The following CCDC92 variants were observed in gnomAD, a reference collection of about 807,000 sequenced individuals.
The protein encoded by CCDC92 is coiled-coil domain containing 92, also known as coiled-coil domain-containing protein 92.
CCDC92 carries 12 observed loss-of-function variants against 24.9 expected under a neutral mutation model. That is an observed-to-expected ratio of 0.48 (90% CI 0.31 to 0.78). The LOEUF is 0.78. CCDC92 is among the 30% of genes least tolerant of loss of function. The probability of loss-of-function intolerance (pLI) is 0.05; values close to 1 mark genes in which losing one functional copy is unlikely to be tolerated. For synonymous variants in CCDC92, 193 were observed against 196.3 expected (o/e 0.98, Z 0.14); for missense variants, 399 against 439.4 (o/e 0.91, Z 0.82).
At chr12:123,952,581 G>A (rs1377198518) in intron 1 of CCDC92, among the ~76,000 whole-genome samples, 1 of 152,224 alleles carries the variant, frequency 6.6e-6, no homozygotes, top group African/African-American at 2.4e-5. Flanking sequence ...AATTCACAAT[G>A]AACTGGATAA....
intron 1 of CCDC92, chr12:123,961,194 C>G (rs935042877): frequency 2.6e-5 from 4 of 152,260 alleles, no homozygotes; most frequent in African/African-American, 9.6e-5. Context: ...CTTCTCTTAT[C>G]TACCTGTCTC....
chr12:123,957,696 CTTCTT>C (rs1433482280), intron 1 of CCDC92, among the ~76,000 whole-genome samples: 29 of 115,124 alleles, frequency 2.5e-4, no homozygotes, highest in South Asian at 2.1e-3. Flanking sequence ...TTTTTTTTTC[CTTCTT>C]TTTTTTTTTT....
Position 123,936,806 on chromosome 12 carries a change from A to AC in CCDC92, c.*251dup. The AC allele has an allele frequency of 1.7e-6, 1 of 585,718 alleles. No individual in the cohort carries two copies. The highest frequency in any genetic ancestry group is 3.0e-6 in the Non-Finnish European group (1 of 330,466). 36.3% of individuals were successfully genotyped at this position (585,718 alleles called of 1,614,324 possible). On this transcript the variant is annotated 3_prime_UTR_variant, in exon 5 of 5. Coordinates refer to ENST00000238156, the MANE Select transcript of CCDC92 (RefSeq NM_025140.3). ...GCTTTGCCTGCAGCGCACTTAGGTT[A>AC]CACGGAGCGGGATCAGAAGCAAGCG...
chr12:123,969,713 C>T (rs1390579285), intron 1 of CCDC92, among the ~76,000 whole-genome samples: 2 of 152,024 alleles, frequency 1.3e-5, no homozygotes, highest in African/African-American at 4.8e-5. Context: ...CTGCCCGCCT[C>T]GGCCTCAGGA....
intron 1 of CCDC92, among the ~76,000 whole-genome samples, chr12:123,954,541 T>C (rs1956105532): frequency 6.6e-6 from 1 of 152,204 alleles, no homozygotes; most frequent in African/African-American, 2.4e-5. Context: ...ATGATGGACT[T>C]ATTAACTGGG....
chr12:123,936,845 G>T lies in CCDC92; in HGVS notation c.*213C>A. ...CAGAAGCAAGCGATTCGGCACACAG[G>T]CGTTTGGCCACAGCAATTAGGAAAT... On this transcript the variant is annotated 3_prime_UTR_variant, in exon 5 of 5. Transcript: ENST00000238156. 2 of 627,528 alleles carry T rather than the reference G, an allele frequency of 3.2e-6. No individual in the cohort carries two copies. The highest frequency in any genetic ancestry group is 4.3e-4 in the Middle Eastern group (1 of 2,310). The allele number at this position is 627,528 out of a possible 1,614,324, so 38.9% of individuals were successfully genotyped here. A position where few individuals can be genotyped will look rare whatever the true frequency, so the allele number is the denominator to read the frequency against.
At chr12:123,945,112 T>C (rs901277096) in intron 1 of CCDC92, 5 of 151,956 alleles carry the variant, frequency 3.3e-5, no homozygotes, top group African/African-American at 9.7e-5. Flanking sequence ...AACCCGACAA[T>C]AGGGAGTGGG....
At chr12:123,955,677 T>G (rs1469643719) in intron 1 of CCDC92, among the ~76,000 whole-genome samples, 1 of 151,932 alleles carries the variant, frequency 6.6e-6, no homozygotes, top group Non-Finnish European at 1.5e-5. Flanking sequence ...GGAGACAGGG[T>G]TTCTCTATGT....
intron 1 of CCDC92, among the ~76,000 whole-genome samples, chr12:123,951,759 T>A (rs1324512706): frequency 6.6e-6 from 1 of 152,230 alleles, no homozygotes; most frequent in Non-Finnish European, 1.5e-5. Context: ...GCTTAAGCGT[T>A]GCCATCAAGA....
At chr12:123,952,595 G>A (rs929453214) in intron 1 of CCDC92, among the ~76,000 whole-genome samples, 1 of 152,212 alleles carries the variant, frequency 6.6e-6, no homozygotes, top group Non-Finnish European at 1.5e-5. Context: ...TGGATAAATA[G>A]TTTTGCATGG....
At chr12:123,964,222 A>T (rs1956339232) in intron 1 of CCDC92, among the ~76,000 whole-genome samples, 2 of 152,260 alleles carry the variant, frequency 1.3e-5, no homozygotes, top group African/African-American at 4.8e-5. Context: ...TTTAAACGTA[A>T]CAGGTACAAA....
intron 1 of CCDC92, among the ~76,000 whole-genome samples, chr12:123,969,092 A>C (rs1317993557): frequency 6.6e-6 from 1 of 152,204 alleles, no homozygotes; most frequent in African/African-American, 2.4e-5. Flanking sequence ...CATGTATTAG[A>C]TTGACACTCA....
At chr12:123,959,145 G>A (rs550437202) in intron 1 of CCDC92, among the ~76,000 whole-genome samples, 37 of 152,290 alleles carry the variant, frequency 2.4e-4, no homozygotes, top group African/African-American at 8.9e-4. Flanking sequence ...TAACTCCCGT[G>A]CCTTACTTCC....
intron 4 of CCDC92, among the ~76,000 whole-genome samples, chr12:123,938,771 T>C (rs1378398502): frequency 6.6e-6 from 1 of 152,172 alleles, no homozygotes; most frequent in Non-Finnish European, 1.5e-5. Flanking sequence ...AGACACACCC[T>C]CAAGTCCAGA....
chr12:123,967,181 G>C (rs1196673373), intron 1 of CCDC92, among the ~76,000 whole-genome samples: 1 of 151,878 alleles, frequency 6.6e-6, no homozygotes, highest in Admixed American at 6.6e-5. Flanking sequence ...GAGCAATAGG[G>C]CATGTCAATG....
rs1436314672 is a variant in CCDC92 at position 123,937,215 on chromosome 12, G to A, written c.839C>T (p.Ala280Val). 1 of 1,609,370 alleles carries A rather than the reference G, an allele frequency of 6.2e-7. No homozygotes were observed. The highest frequency in any genetic ancestry group is 1.7e-5 in the Admixed American group (1 of 59,946). ...SDRSGEQHSP[A>V]REKPHKAHVG... is the part of the protein sequence containing the mutation. ...GTGGGCCTTGTGCGGCTTTTCGCGGGCCGGGCTGTGCTGCTCGCCGCTTCG... is the reference window on the plus strand; with the variant it reads ...GTGGGCCTTGTGCGGCTTTTCGCGGACCGGGCTGTGCTGCTCGCCGCTTCG... The change falls in exon 5 of 5, where the codon GCC (alanine) becomes GTC (valine). Residue 280 changes from alanine to valine, a missense_variant. By Grantham distance (64) the Ala-to-Val change is moderately conservative. Coordinates refer to ENST00000238156, the MANE Select transcript of CCDC92 (RefSeq NM_025140.3). The surrounding 1 kb of genome is among the most constrained non-coding windows in gnomAD (Gnocchi z 8.4).
intron 1 of CCDC92, chr12:123,970,134 C>T (rs796703532): frequency 4.6e-5 from 7 of 152,266 alleles, no homozygotes; most frequent in African/African-American, 1.7e-4. Flanking sequence ...GTTGCTACGT[C>T]CACAACTCTA....
intron 3 of CCDC92, 104 bp from the exon 4 acceptor site, chr12:123,942,889 AC>A: frequency 1.1e-6 from 1 of 902,030 alleles, no homozygotes. Flanking sequence ...AGCGAGTCCT[AC>A]CCAGACAGAG....
intron 1 of CCDC92, among the ~76,000 whole-genome samples, chr12:123,949,392 C>T (rs536671958): frequency 6.7e-4 from 102 of 152,368 alleles, no homozygotes; most frequent in African/African-American, 2.2e-3. Context: ...CCAAAGGCGG[C>T]AAGGCCAGGA....
Sources: gnomAD v4.1 joint callset for allele counts (sites outside exome capture counted in the v4.1 genomes callset) on GRCh38, gnomAD v4.1.1 for gene constraint, Gnocchi (gnomAD v3.1) non-coding constraint, MANE v1.5 for transcripts, NCBI Gene and HGNC (gene_info 2026-07-23, HGNC 2026-07-21) for gene names.